Variants in TJP3 observed in about 807,000 individuals in gnomAD.
TJP3 encodes tight junction protein 3.
A neutral mutation model predicts 104.2 loss-of-function variants in TJP3; 85 were observed. The ratio of observed to expected loss-of-function variants is 0.82; its 90% confidence interval spans 0.68 to 0.98. The LOEUF (loss-of-function observed/expected upper bound fraction) is 0.98, where lower values mean the gene tolerates loss of function less well. TJP3 is among the 50% of genes least tolerant of loss of function. TJP3 has a pLI of 0.00. For missense variants in TJP3, 1,367 were observed against 1,322.8 expected (o/e 1.03, Z -0.52); for synonymous variants, 550 against 550.6 (o/e 1.00, Z 0.02).
intron 11 of TJP3, 64 bp downstream of exon 11, chr19:3,736,385 T>C: frequency 7.1e-7 from 1 of 1,413,338 alleles, no homozygotes; most frequent in Non-Finnish European, 9.2e-7. Context: ...GGTCCTGCCC[T>C]TGTCTGTTCC....
Position 3,747,939 on chromosome 19 carries a change from C to CA in TJP3, c.2469dup (p.Asp824ArgfsTer12). On this transcript the variant is annotated frameshift_variant, in exon 19 of 21. Coordinates refer to ENST00000541714, the MANE Select transcript of TJP3 (RefSeq NM_001267560.2). LOFTEE classifies it high-confidence loss of function. Reference sequence around the variant, plus strand: ...GCGTACACGGATGGCGAGGGCTACACAGACGGCGAGGGGGGGCCCTACACG... The same window carrying CA: ...GCGTACACGGATGGCGAGGGCTACACAAGACGGCGAGGGGGGGCCCTACACG... The CA allele has an allele frequency of 6.2e-7, 1 of 1,613,182 alleles. No individual in the cohort carries two copies. The highest frequency in any genetic ancestry group is 1.1e-5 in the South Asian group (1 of 91,076).
chr19:3,738,505 G>A (rs2036767614), intron 11 of TJP3, 50 bp from the exon 12 acceptor site: 4 of 1,520,196 alleles, frequency 2.6e-6, no homozygotes, highest in Non-Finnish European at 2.7e-6. Context: ...TCTCATGCAC[G>A]CCCAAGAGGT....
At chr19:3,731,523 C>T (rs2036670822) in intron 5 of TJP3, among the ~76,000 whole-genome samples, 1 of 152,068 alleles carries the variant, frequency 6.6e-6, no homozygotes, top group African/African-American at 2.4e-5. Context: ...ATCCCAGCTA[C>T]CTGGGAGGCT....
At chr19:3,748,245 G>A (rs68095746) in intron 19 of TJP3, among the ~76,000 whole-genome samples, 164 bp downstream of exon 19, 47,459 of 151,080 alleles carry the variant, frequency 0.31, 7,906 homozygotes, top group East Asian at 0.48. Flanking sequence ...TGAGACCCAC[G>A]TGGCACTGAG....
At position 3,736,180 on chromosome 19, in the gene TJP3, G is replaced by A. The variant is rs564498611; in HGVS notation, c.1143G>A (p.Thr381=). 3.4e-5 allele frequency: 55 copies of A among 1,595,592 alleles called. No homozygotes were observed. The highest frequency in any genetic ancestry group is 4.5e-5 in the East Asian group (2 of 44,620). The change falls in exon 11 of 21, where the codon ACG becomes ACA. Residue 381 remains threonine, a synonymous_variant. Transcript: ENST00000541714. ...CCCCTTGCAGGTACAGCCCCGACAC[G>A]CGTGTGGTCCGCTTCCTCAAGGGCA... ...SMEDRGYSPD[T]RVVRFLKGKS... is the part of the protein sequence containing the mutation.
At position 3,730,403 on chromosome 19, in the gene TJP3, C is replaced by T. The variant is rs1258497017; in HGVS notation, c.310C>T (p.Pro104Ser). Reference protein sequence around the residue: ...RIHLPATKASPSSPGRQDSDE... With the variant: ...RIHLPATKASSSSPGRQDSDE... ...CCACCTGCCCGCCACCAAAGCCAGCCCCTCCAGCCCAGGGCGCCAGGACTC... is the reference window on the plus strand; with the variant it reads ...CCACCTGCCCGCCACCAAAGCCAGCTCCTCCAGCCCAGGGCGCCAGGACTC... The change falls in exon 5 of 21, where the codon CCC becomes TCC. Residue 104 changes from proline to serine, a missense_variant. Physicochemically the swap from Pro to Ser is moderately conservative, Grantham distance 74 (BLOSUM62 -1). Coordinates refer to ENST00000541714, the MANE Select transcript of TJP3 (RefSeq NM_001267560.2). This position sits in a 1 kb window ranked among gnomAD's most constrained non-coding sequence, Gnocchi z 7.3. The T allele has an allele frequency of 6.4e-7, 1 of 1,568,074 alleles. No individual in the cohort carries two copies. The highest frequency in any genetic ancestry group is 1.4e-5 in the African/African-American group (1 of 73,428).
intron 15 of TJP3, among the ~76,000 whole-genome samples, chr19:3,745,281 G>A (rs1159465832): frequency 6.6e-6 from 1 of 151,514 alleles, no homozygotes; most frequent in African/African-American, 2.4e-5. Context: ...TGGTAGCTGG[G>A]ATTACAGGCA....
chr19:3,732,074 C>T (rs776163590), intron 6 of TJP3, 36 bp downstream of exon 6: 58 of 1,585,202 alleles, frequency 3.7e-5, no homozygotes, highest in Non-Finnish European at 5.2e-6. Flanking sequence ...AGCAGGGAGA[C>T]AAGGCAGGGT....
At position 3,736,282 on chromosome 19, in the gene TJP3, C is replaced by T. The variant is rs369162611; in HGVS notation, c.1245C>T (p.Ala415=). 115 of 1,537,898 alleles carry T rather than the reference C, an allele frequency of 7.5e-5. No homozygotes were observed. The African/African-American group carries it at 7.6e-4, about 10-fold the overall frequency. The change falls in exon 11 of 21, where the codon GCC becomes GCT. Residue 415 remains alanine, a synonymous_variant. Transcript: ENST00000541714. ...CCGGGGTGCAGGCGGGCAGCCCGGC[C>T]GACGGGCAGGGCATCCAGGAGGGAG... ...FVSGVQAGSP[A]DGQGIQEGDQ...
intron 1 of TJP3, among the ~76,000 whole-genome samples, chr19:3,718,530 G>C (rs568492658): frequency 1.3e-5 from 2 of 151,058 alleles, no homozygotes; most frequent in Non-Finnish European, 2.9e-5. Flanking sequence ...GTGCAGTGGC[G>C]CAATCTTGGC....
chr19:3,737,042 G>C (rs1012392989), intron 11 of TJP3, among the ~76,000 whole-genome samples: 13 of 151,050 alleles, frequency 8.6e-5, no homozygotes, highest in Middle Eastern at 3.5e-3. Flanking sequence ...ACCATGCCCA[G>C]CTAATTTTTG....
chr19:3,714,857 C>T (rs964173806), intron 1 of TJP3, among the ~76,000 whole-genome samples: 1 of 152,132 alleles, frequency 6.6e-6, no homozygotes, highest in Non-Finnish European at 1.5e-5. Context: ...CTGTCCCTCA[C>T]CCTGCTCAGA....
chr19:3,743,938 G>C lies in TJP3; in HGVS notation c.1844-1G>C. On this transcript the variant is annotated splice_acceptor_variant, in intron 14 of 20. Transcript: ENST00000541714. LOFTEE classifies it high-confidence loss of function. ...TCTTTCACTGTGTCTCTACCCCTCA[G>C]CCAGTTTCAAGCGCCCGGTAGTGAT... 1 of 1,614,068 alleles carries C rather than the reference G, an allele frequency of 6.2e-7. No individual in the cohort carries two copies. Among genetic ancestry groups the C allele is most frequent in the Non-Finnish European group, 8.5e-7 (1 of 1,179,970 alleles).
chr19:3,728,236 T>C (rs2036621861), intron 1 of TJP3, 188 bp from the exon 2 acceptor site: 9 of 927,106 alleles, frequency 9.7e-6, no homozygotes, highest in South Asian at 9.0e-5. Context: ...CCAGACTCTG[T>C]CTCAAAAAAT....
rs2036478315 is a variant in TJP3 at position 3,716,531 on chromosome 19, C to T, written c.-10+7970C>T. Reference sequence around the variant, plus strand: ...TCAGTTTTCTCAGCTGCAAAGTGGGCGCACGAGTGTTGTGTGTAACTGGGG... The same window carrying T: ...TCAGTTTTCTCAGCTGCAAAGTGGGTGCACGAGTGTTGTGTGTAACTGGGG... On this transcript the variant is annotated intron_variant, in intron 1 of 20. Transcript: ENST00000541714. 1.4e-5 allele frequency among the ~76,000 whole-genome samples: 2 copies of T among 147,888 alleles called. 1 individual carries two copies. Among genetic ancestry groups the T allele is most frequent in the Non-Finnish European group, 3.0e-5 (2 of 65,958 alleles).
At chr19:3,742,211 G>A (rs2036831254) in intron 14 of TJP3, among the ~76,000 whole-genome samples, 1 of 151,202 alleles carries the variant, frequency 6.6e-6, no homozygotes. Context: ...AGATGGGTGG[G>A]TCACTTGAGC....
At chr19:3,724,879 G>GT (rs899963219) in intron 1 of TJP3, among the ~76,000 whole-genome samples, 29 of 150,980 alleles carry the variant, frequency 1.9e-4, no homozygotes, top group African/African-American at 6.8e-4. Flanking sequence ...ATCAAAGCAG[G>GT]TTAAAAAAAA....
At chr19:3,747,243 C>T (rs1390752176) in intron 18 of TJP3, among the ~76,000 whole-genome samples, 1 of 151,594 alleles carries the variant, frequency 6.6e-6, no homozygotes, top group Non-Finnish European at 1.5e-5. Flanking sequence ...GTATTTTTAG[C>T]AGAGACGAGG....
chr19:3,720,871 CTTCCTTCCCTTCT>C (rs2036534190), intron 1 of TJP3, among the ~76,000 whole-genome samples: 1 of 149,608 alleles, frequency 6.7e-6, no homozygotes, highest in Non-Finnish European at 1.5e-5. Flanking sequence ...TCGTTCCTTC[CTTCCTTCCCTTCT>C]TTCCTTCCTT....
Sources: gnomAD v4.1 joint callset for allele counts (sites outside exome capture counted in the v4.1 genomes callset) on GRCh38, gnomAD v4.1.1 for gene constraint, Gnocchi (gnomAD v3.1) non-coding constraint, MANE v1.5 for transcripts, NCBI Gene and HGNC (gene_info 2026-07-23, HGNC 2026-07-21) for gene names.